Variants in ARL8B observed in about 807,000 individuals in gnomAD.
ARL8B encodes the protein ADP-ribosylation factor-like protein 8B.
ARL8B carries 9 observed loss-of-function variants against 30.6 expected under a neutral mutation model. The observed-to-expected ratio is 0.29, with a 90% confidence interval of 0.18 to 0.51. ARL8B has a LOEUF of 0.51. ARL8B is among the 20% of genes least tolerant of loss of function. The pLI is 0.97. For missense variants in ARL8B, 130 were observed against 227.2 expected (o/e 0.57, Z 2.75); for synonymous variants, 74 against 76.0 (o/e 0.97, Z 0.14).
chr3:5,168,866 AT>A (rs2054645797), intron 1 of ARL8B, among the ~76,000 whole-genome samples: 2 of 152,210 alleles, frequency 1.3e-5, no homozygotes, highest in African/African-American at 4.8e-5. Context: ...CTGCCTCTTC[AT>A]TATGTAAAAC....
intron 4 of ARL8B, among the ~76,000 whole-genome samples, 190 bp downstream of exon 4, chr3:5,172,930 C>T (rs1299410405): frequency 6.6e-6 from 1 of 152,232 alleles, no homozygotes; most frequent in Non-Finnish European, 1.5e-5. Flanking sequence ...AACCACGTAT[C>T]TACTAAACTA....
intron 1 of ARL8B, among the ~76,000 whole-genome samples, chr3:5,127,179 A>T (rs1335742758): frequency 6.6e-6 from 1 of 152,220 alleles, no homozygotes; most frequent in Non-Finnish European, 1.5e-5. Flanking sequence ...AGATGTGGCT[A>T]GCAGATCCAG....
intron 1 of ARL8B, among the ~76,000 whole-genome samples, chr3:5,161,307 GACAAA>G (rs2054578448): frequency 6.6e-6 from 1 of 151,902 alleles, no homozygotes; most frequent in South Asian, 2.1e-4. Context: ...ATCAAAAAAA[GACAAA>G]ACAAAAACCC....
At chr3:5,138,424 C>T (rs534656078) in intron 1 of ARL8B, among the ~76,000 whole-genome samples, 33 of 152,192 alleles carry the variant, frequency 2.2e-4, no homozygotes, top group African/African-American at 7.9e-4. Context: ...GTTCAAATTC[C>T]AGTTTTGCCA....
At chr3:5,137,724 C>CA (rs2054340209) in intron 1 of ARL8B, among the ~76,000 whole-genome samples, 1 of 152,132 alleles carries the variant, frequency 6.6e-6, no homozygotes, top group South Asian at 2.1e-4. Flanking sequence ...AGGCGTGAGC[C>CA]ACCATGCCCA....
intron 1 of ARL8B, among the ~76,000 whole-genome samples, chr3:5,166,492 C>T (rs752492139): frequency 1.3e-5 from 2 of 151,902 alleles, no homozygotes; most frequent in Non-Finnish European, 2.9e-5. Flanking sequence ...CAAGCCCCAC[C>T]ATGCCTGGCT....
chr3:5,170,697 G>A, intron 2 of ARL8B, 114 bp downstream of exon 2: 1 of 667,964 alleles, frequency 1.5e-6, no homozygotes, highest in Non-Finnish European at 2.5e-6. Context: ...TAATGAATGT[G>A]CATGTTTCAA....
chr3:5,150,068 T>C (rs2054466302), intron 1 of ARL8B, among the ~76,000 whole-genome samples: 1 of 152,216 alleles, frequency 6.6e-6, no homozygotes. Flanking sequence ...GAGCTACTTT[T>C]TGTTATGAGG....
intron 6 of ARL8B, among the ~76,000 whole-genome samples, chr3:5,174,846 A>C (rs1348873359): frequency 6.7e-6 from 1 of 150,328 alleles, no homozygotes; most frequent in African/African-American, 2.4e-5. Flanking sequence ...TCCTTCACCC[A>C]GGCTTGAGTG....
intron 1 of ARL8B, among the ~76,000 whole-genome samples, chr3:5,158,133 G>A (rs182295096): frequency 2.0e-5 from 3 of 152,118 alleles, no homozygotes; most frequent in African/African-American, 7.2e-5. Flanking sequence ...TCACCACTTT[G>A]CCACCACTCC....
intron 1 of ARL8B, among the ~76,000 whole-genome samples, chr3:5,151,898 T>C (rs1413328181): frequency 6.6e-6 from 1 of 152,078 alleles, no homozygotes; most frequent in Non-Finnish European, 1.5e-5. Context: ...CTAATTTTTA[T>C]AATTTTTTTG....
At chr3:5,164,315 G>C (rs1156914166) in intron 1 of ARL8B, among the ~76,000 whole-genome samples, 2 of 152,168 alleles carry the variant, frequency 1.3e-5, no homozygotes, top group East Asian at 1.9e-4. Context: ...TACTGTAGTA[G>C]GTAATAGGTG....
At chr3:5,156,431 T>G (rs1036851793) in intron 1 of ARL8B, among the ~76,000 whole-genome samples, 7 of 152,140 alleles carry the variant, frequency 4.6e-5, no homozygotes, top group African/African-American at 1.7e-4. Context: ...TGGTTTTGTT[T>G]TTTGAGACGG....
At chr3:5,124,495 T>G (rs1441457347) in intron 1 of ARL8B, among the ~76,000 whole-genome samples, 19 of 152,046 alleles carry the variant, frequency 1.2e-4, no homozygotes, top group Non-Finnish European at 2.6e-4. Context: ...AGACAGGGTC[T>G]TGAGCTTTCA....
At chr3:5,159,602 C>CAAAAAAAAAAAAAAAA (rs71053495) in intron 1 of ARL8B, among the ~76,000 whole-genome samples, 9 of 77,064 alleles carry the variant, frequency 1.2e-4, no homozygotes, top group East Asian at 7.8e-4. Context: ...AACTCCGTCT[C>CAAAAAAAAAAAAAAAA]AAAAAAAAAA....
At chr3:5,122,628 C>T (rs758122158) in intron 1 of ARL8B, 40 bp downstream of exon 1, 2 of 1,570,370 alleles carry the variant, frequency 1.3e-6, no homozygotes, top group Non-Finnish European at 1.7e-6. Context: ...GCTCCGCAGC[C>T]AGGAGTCCGG....
At chr3:5,172,433 T>G (rs2054684821) in intron 3 of ARL8B, among the ~76,000 whole-genome samples, 1 of 152,196 alleles carries the variant, frequency 6.6e-6, no homozygotes, top group Non-Finnish European at 1.5e-5. Flanking sequence ...AGCTAAGAGC[T>G]AAGGGGTGTA....
Position 5,139,987 on chromosome 3 carries a change from G to GTTTT in ARL8B, c.123+17413_123+17416dup, listed in dbSNP as rs375903438. Reference sequence around the variant, plus strand: ...CACTACACAAGATGTGATTAGTTTTGTTTTTTTTTTTTTTTTTGAGACGGA... The same window carrying GTTTT: ...CACTACACAAGATGTGATTAGTTTTGTTTTTTTTTTTTTTTTTTTTTGAGACGGA... On this transcript the variant is annotated intron_variant, in intron 1 of 6. Transcript: ENST00000256496. Among the ~76,000 whole-genome samples the GTTTT allele has an allele frequency of 7.9e-3, 1,030 of 130,014 alleles. 24 individuals are homozygous for GTTTT. The highest frequency in any genetic ancestry group is 0.028 in the African/African-American group (956 of 34,464). 85.3% of individuals were successfully genotyped at this position (130,014 alleles called of 152,430 possible).
In ARL8B at chr3:5,134,222, G is replaced by A. The variant is rs527520690; in HGVS notation, c.123+11634G>A. Among the ~76,000 whole-genome samples the A allele has an allele frequency of 1.2e-4, 18 of 152,130 alleles. 1 individual carries two copies. The South Asian group carries it at 2.5e-3, about 21-fold the overall frequency. On this transcript the variant is annotated intron_variant, in intron 1 of 6. Coordinates refer to ENST00000256496, the MANE Select transcript of ARL8B (RefSeq NM_018184.3). ...ACTTACCGTACCCTGCTGATGACTC[G>A]TTTTGCCAATGTTTCGGACACAAGG...
Sources: allele counts gnomAD v4.1 joint callset (sites outside exome capture counted in the v4.1 genomes callset), GRCh38; gene constraint gnomAD v4.1.1; transcripts MANE v1.5; gene names NCBI Gene and HGNC (gene_info 2026-07-23, HGNC 2026-07-21).